Variants in MTHFD1 observed in about 807,000 individuals in gnomAD.
The protein encoded by MTHFD1 is methylenetetrahydrofolate dehydrogenase, cyclohydrolase and formyltetrahydrofolate synthetase 1.
A neutral mutation model predicts 110.3 loss-of-function variants in MTHFD1; 44 were observed. That is an observed-to-expected ratio of 0.40 (90% CI 0.31 to 0.51). The LOEUF is 0.51. Ranked by LOEUF, MTHFD1 falls within the 20% of genes least tolerant of loss-of-function variation. The pLI, the probability that MTHFD1 is intolerant of heterozygous loss-of-function variation, is 0.60. For synonymous variants in MTHFD1, 402 were observed against 428.8 expected (o/e 0.94, Z 0.77); for missense variants, 909 against 1,173.1 (o/e 0.77, Z 3.29).
chr14:64,390,632 C>G (rs567168812), intron 1 of MTHFD1, among the ~76,000 whole-genome samples: 1 of 149,684 alleles, frequency 6.7e-6, no homozygotes, highest in Non-Finnish European at 1.5e-5. Flanking sequence ...TACAGGCGTC[C>G]GCCACCATGT....
At chr14:64,396,249 A>G (rs1404233214) in intron 1 of MTHFD1, among the ~76,000 whole-genome samples, 2 of 152,198 alleles carry the variant, frequency 1.3e-5, no homozygotes, top group Non-Finnish European at 2.9e-5. Context: ...TCTTTCAACA[A>G]GAAGGTAATT....
At chr14:64,446,651 C>T (rs1374505009) in intron 22 of MTHFD1, among the ~76,000 whole-genome samples, 1 of 152,076 alleles carries the variant, frequency 6.6e-6, no homozygotes, top group Non-Finnish European at 1.5e-5. Context: ...ACACCATTCT[C>T]CTGCCTCAGC....
chr14:64,422,222 G>T (rs1001304114), intron 8 of MTHFD1, among the ~76,000 whole-genome samples: 3 of 152,120 alleles, frequency 2.0e-5, no homozygotes, highest in African/African-American at 7.2e-5. Flanking sequence ...ATGTTATTGT[G>T]TTCCCCAAAG....
chr14:64,400,257 G>T (rs547859809), intron 1 of MTHFD1, among the ~76,000 whole-genome samples: 1 of 152,160 alleles, frequency 6.6e-6, no homozygotes, highest in South Asian at 2.1e-4. Context: ...GCTTGGTGGC[G>T]CATGCCTGTA....
At chr14:64,456,186 G>A (rs1044027095) in intron 26 of MTHFD1, among the ~76,000 whole-genome samples, 1 of 150,688 alleles carries the variant, frequency 6.6e-6, no homozygotes, top group African/African-American at 2.4e-5. Flanking sequence ...CAGGCTGTAA[G>A]GTGGAGAGAG....
At chr14:64,398,877 G>T (rs547369522) in intron 1 of MTHFD1, among the ~76,000 whole-genome samples, 18 of 152,292 alleles carry the variant, frequency 1.2e-4, no homozygotes, top group African/African-American at 3.4e-4. Flanking sequence ...TGTATTTATG[G>T]ATGTAATTTC....
At chr14:64,412,340 C>T in intron 3 of MTHFD1, 132 bp from the exon 4 acceptor site, 1 of 734,880 alleles carries the variant, frequency 1.4e-6, no homozygotes, top group Non-Finnish European at 2.5e-6. Flanking sequence ...AAGTGAGGGA[C>T]TCATTCTTCA....
intron 6 of MTHFD1, among the ~76,000 whole-genome samples, chr14:64,416,177 G>A (rs554292104): frequency 3.3e-4 from 50 of 152,156 alleles, no homozygotes; most frequent in African/African-American, 1.1e-3. Flanking sequence ...CCTGGGAGGC[G>A]GAGGTTGCAG....
At position 64,441,388 on chromosome 14, in the gene MTHFD1, G is replaced by A. The variant is rs753755471; in HGVS notation, c.1819G>A (p.Val607Met). Residue 607 changes from valine to methionine, a missense_variant, in exon 19 of 28, where the codon GTG becomes ATG. By Grantham distance (21) the Val-to-Met change is conservative. Coordinates refer to ENST00000652337, the MANE Select transcript of MTHFD1 (RefSeq NM_005956.4). ...GEPVSAEDLG[V>M]SGALTVLMKD... ...GCTGCACACATTTGTTTTGTAGGGG[G>A]TGAGTGGTGCACTGACAGTGCTTAT... 5.0e-6 allele frequency: 8 copies of A among 1,613,932 alleles called. No homozygotes were observed. In the East Asian group the frequency reaches 1.6e-4, roughly 31 times the overall value.
In MTHFD1 at chr14:64,431,550, G is replaced by A. The variant is rs2140968252; in HGVS notation, c.1330G>A (p.Gly444Ser). The A allele has an allele frequency of 6.2e-7, 1 of 1,614,002 alleles. No homozygotes were observed. The highest frequency in any genetic ancestry group is 8.5e-7 in the Non-Finnish European group (1 of 1,179,914). The change falls in exon 14 of 28, where the codon GGT (glycine) becomes AGT (serine). Residue 444 changes from glycine (G) to serine (S), a missense_variant. Transcript: ENST00000652337. Reference sequence around the variant, plus strand: ...TTTGTAGTTTAATCTCCACCTCACAGGTGACATCCATGCCATCACTGCAGC... The same window carrying A: ...TTTGTAGTTTAATCTCCACCTCACAAGTGACATCCATGCCATCACTGCAGC... ...PMEEFNLHLT[G>S]DIHAITAANN...
At chr14:64,449,779 A>G in intron 24 of MTHFD1, 157 bp downstream of exon 24, 1 of 815,396 alleles carries the variant, frequency 1.2e-6, no homozygotes, top group African/African-American at 1.7e-5. Flanking sequence ...CTGGACTCCC[A>G]GCTGTAGACA....
chr14:64,426,915 A>G (rs2078123381), intron 11 of MTHFD1, among the ~76,000 whole-genome samples: 1 of 152,236 alleles, frequency 6.6e-6, no homozygotes, highest in South Asian at 2.1e-4. Flanking sequence ...TCTACAAGAT[A>G]AAGTATATTT....
intron 26 of MTHFD1, 44 bp from the exon 27 acceptor site, chr14:64,458,170 T>A: frequency 6.9e-7 from 1 of 1,455,222 alleles, no homozygotes; most frequent in Non-Finnish European, 9.7e-7. Flanking sequence ...CGTGAGCCAC[T>A]GTGCCCAGCA....
chr14:64,409,194 G>A lies in MTHFD1; in HGVS notation c.127-1896G>A, dbSNP rs550443686. 2.3e-3 allele frequency among the ~76,000 whole-genome samples: 354 copies of A among 152,306 alleles called. 2 individuals are homozygous for A. The highest frequency in any genetic ancestry group is 7.8e-3 in the African/African-American group (325 of 41,562). The stretch of plus-strand genomic sequence containing the variant: ...AGACTTCTCCTGTGTGACATTAGAT[G>A]CCAAAGACAACATCTCCGAAGGAAA... On this transcript the variant is annotated intron_variant, in intron 2 of 27. Transcript: ENST00000652337.
At chr14:64,424,656 C>T in intron 8 of MTHFD1, 148 bp from the exon 9 acceptor site, 1 of 853,582 alleles carries the variant, frequency 1.2e-6, no homozygotes, top group Non-Finnish European at 1.9e-6. Flanking sequence ...AAATAGCAAA[C>T]ATCTGTCATT....
chr14:64,405,075 G>A (rs1428703104), intron 2 of MTHFD1, among the ~76,000 whole-genome samples: 1 of 152,180 alleles, frequency 6.6e-6, no homozygotes, highest in African/African-American at 2.4e-5. Flanking sequence ...GTCACTCTCT[G>A]CCTGGCATGT....
intron 2 of MTHFD1, among the ~76,000 whole-genome samples, chr14:64,410,847 T>C (rs994886188): frequency 2.0e-5 from 3 of 152,194 alleles, no homozygotes; most frequent in African/African-American, 7.2e-5. Flanking sequence ...AGATATCCTC[T>C]ACTTTCTGTT....
At chr14:64,439,986 A>G in intron 17 of MTHFD1, 140 bp from the exon 18 acceptor site, 1 of 571,376 alleles carries the variant, frequency 1.8e-6, no homozygotes, top group Non-Finnish European at 3.0e-6. Context: ...ATTTTCATTA[A>G]GTATTTTGGG....
In MTHFD1 at chr14:64,417,233, C is replaced by A. The variant is rs1254791998; in HGVS notation, c.479-655C>A. 6.6e-6 allele frequency among the ~76,000 whole-genome samples: 1 copy of A among 152,214 alleles called. No homozygotes were observed. Among genetic ancestry groups the A allele is most frequent in the African/African-American group, 2.4e-5 (1 of 41,460 alleles). ...AAGAAATATGGTCCCCTGTCCACTA[C>A]TGGGTACTCACTCAGGCTGTCTTTA... On this transcript the variant is annotated intron_variant, in intron 6 of 27. Transcript: ENST00000652337. The surrounding 1 kb of genome is among the most constrained non-coding windows in gnomAD (Gnocchi z 4.4).
Sources: allele counts gnomAD v4.1 joint callset (sites outside exome capture counted in the v4.1 genomes callset), GRCh38; gene constraint gnomAD v4.1.1; non-coding constraint Gnocchi (gnomAD v3.1); transcripts MANE v1.5; gene names NCBI Gene and HGNC (gene_info 2026-07-23, HGNC 2026-07-21).